Variants in PPM1L observed in about 807,000 individuals in gnomAD.
PPM1L encodes the protein protein phosphatase, Mg2+/Mn2+ dependent 1L, also known as protein phosphatase 1L.
In PPM1L, 13 loss-of-function variants were observed where a neutral mutation model predicts 31.4. That is an observed-to-expected ratio of 0.41 (90% CI 0.27 to 0.66). The LOEUF is 0.66. Ranked by LOEUF, PPM1L falls within the 30% of genes least tolerant of loss-of-function variation. The pLI is 0.29. For missense variants in PPM1L, 326 were observed against 453.7 expected, an observed-to-expected ratio of 0.72 and a Z score of 2.56; for synonymous variants, 184 against 175.4, an observed-to-expected ratio of 1.05 and a Z score of -0.39.
intron 2 of PPM1L, among the ~76,000 whole-genome samples, chr3:160,993,578 A>T (rs960450402): frequency 1.3e-5 from 2 of 152,042 alleles, no homozygotes; most frequent in African/African-American, 4.8e-5. Flanking sequence ...GCATTGGGTG[A>T]ATTGGGGAGC....
chr3:160,826,457 A>G (rs1408675822), intron 1 of PPM1L, among the ~76,000 whole-genome samples: 1 of 152,216 alleles, frequency 6.6e-6, no homozygotes, highest in African/African-American at 2.4e-5. Flanking sequence ...AGTAAATGAA[A>G]TAAGATGTTT....
chr3:160,801,483 A>T (rs564593424), intron 1 of PPM1L, among the ~76,000 whole-genome samples: 3 of 152,368 alleles, frequency 2.0e-5, no homozygotes, highest in Admixed American at 6.5e-5. Context: ...GACGAAGAAC[A>T]TTTAGAGCTG....
chr3:160,949,655 A>G (rs995856835), intron 1 of PPM1L, among the ~76,000 whole-genome samples: 12 of 152,162 alleles, frequency 7.9e-5, no homozygotes, highest in Non-Finnish European at 1.3e-4. Context: ...CATCGTGCCT[A>G]CATTGGACTA....
rs115543651 is a variant in PPM1L, at chr3:160,781,769, G to A, written c.399+25062G>A. ...GGCAGCTTCTCAGAGGAAGCCTAAC[G>A]ATATGGGGGTTGAGCTTAGGCCCTT... On this transcript the variant is annotated intron_variant, in intron 1 of 3. Coordinates refer to ENST00000498165, the MANE Select transcript of PPM1L (RefSeq NM_139245.4). Among the ~76,000 whole-genome samples the A allele has an allele frequency of 7.7e-3, 1,178 of 152,304 alleles. 4 individuals carry two copies. Among genetic ancestry groups the A allele is most frequent in the Middle Eastern group, 0.027 (8 of 294 alleles).
At chr3:160,925,633 A>T (rs1714560617) in intron 1 of PPM1L, among the ~76,000 whole-genome samples, 1 of 152,190 alleles carries the variant, frequency 6.6e-6, no homozygotes, top group Non-Finnish European at 1.5e-5. Flanking sequence ...ACAAGGATGA[A>T]AATAACTCTA....
intron 1 of PPM1L, among the ~76,000 whole-genome samples, chr3:160,930,049 A>G (rs1291066525): frequency 1.3e-5 from 2 of 152,194 alleles, no homozygotes; most frequent in South Asian, 2.1e-4. Flanking sequence ...GAAGGGGGAC[A>G]CTGTGCTCCC....
intron 1 of PPM1L, among the ~76,000 whole-genome samples, chr3:160,931,838 A>T (rs1414316353): frequency 6.6e-6 from 1 of 152,236 alleles, no homozygotes; most frequent in Non-Finnish European, 1.5e-5. Context: ...AAGTAGAGCT[A>T]AGAATTTGTT....
chr3:160,963,070 T>TC (rs1716017676), intron 2 of PPM1L, among the ~76,000 whole-genome samples: 1 of 151,938 alleles, frequency 6.6e-6, no homozygotes, highest in African/African-American at 2.4e-5. Context: ...TCATCTCTTC[T>TC]CTCATCCTTA....
intron 1 of PPM1L, among the ~76,000 whole-genome samples, chr3:160,855,455 A>G (rs891169293): frequency 3.3e-5 from 5 of 152,214 alleles, no homozygotes; most frequent in Non-Finnish European, 7.3e-5. Context: ...GAATGGGAGA[A>G]AATATTTGCA....
At chr3:160,897,699 T>C (rs772660801) in intron 1 of PPM1L, among the ~76,000 whole-genome samples, 3 of 152,244 alleles carry the variant, frequency 2.0e-5, no homozygotes, top group Non-Finnish European at 2.9e-5. Context: ...TTTATATTCA[T>C]CAAAATTCAT....
chr3:160,892,442 A>G (rs1351870767), intron 1 of PPM1L, among the ~76,000 whole-genome samples: 2 of 152,154 alleles, frequency 1.3e-5, no homozygotes, highest in South Asian at 2.1e-4. Flanking sequence ...CACATCTCCA[A>G]CCAGGCCCTA....
rs191738374 is a variant in PPM1L, at chr3:160,942,948, G to A, written c.400-18788G>A. Among the ~76,000 whole-genome samples the A allele has an allele frequency of 1.8e-3, 281 of 152,022 alleles. 1 individual carries two copies. Among genetic ancestry groups the A allele is most frequent in the African/African-American group, 6.2e-3 (256 of 41,468 alleles). On this transcript the variant is annotated intron_variant, in intron 1 of 3. Transcript: ENST00000498165. ...ACTGCTTACACTCTACCTATCTGAAGGATAGACTTTTTTTTTTTAAGCTAC... is the reference window on the plus strand; with the variant it reads ...ACTGCTTACACTCTACCTATCTGAAAGATAGACTTTTTTTTTTTAAGCTAC...
chr3:161,071,300 C>T lies in PPM1L; in HGVS notation c.*2143C>T, dbSNP rs1274806243. On this transcript the variant is annotated 3_prime_UTR_variant, in exon 4 of 4. Transcript: ENST00000498165. ...AACTTTCTTTATTTTTAACGTAGCA[C>T]AAAAATGTATAATAGCAAGGAAAAG... is the stretch of plus-strand genomic sequence containing the variant. 6.6e-6 allele frequency: 1 copy of T among 152,090 alleles called. No homozygotes were observed. The highest frequency in any genetic ancestry group is 1.5e-5 in the Non-Finnish European group (1 of 68,022). The allele number at this position is 152,090 out of a possible 1,614,324, so 9.4% of individuals were successfully genotyped here.
At chr3:160,820,074 A>G (rs1056833793) in intron 1 of PPM1L, among the ~76,000 whole-genome samples, 9 of 151,982 alleles carry the variant, frequency 5.9e-5, no homozygotes, top group African/African-American at 1.7e-4. Context: ...CGGAGGTGGG[A>G]AGAGACCAAA....
chr3:160,769,686 A>G lies in PPM1L; in HGVS notation c.399+12979A>G, dbSNP rs557949446. 6.6e-5 allele frequency among the ~76,000 whole-genome samples: 10 copies of G among 152,218 alleles called. No homozygotes were observed. The South Asian group carries it at 1.7e-3, about 25-fold the overall frequency. ...CTGCTGATGAATGTGGAAATATTAT[A>G]GTAGTTCTTCTGTTGGCTATCCATT... On this transcript the variant is annotated intron_variant, in intron 1 of 3. Transcript: ENST00000498165.
At chr3:161,002,781 T>G (rs1717543911) in intron 2 of PPM1L, among the ~76,000 whole-genome samples, 1 of 142,492 alleles carries the variant, frequency 7.0e-6, no homozygotes, top group Non-Finnish European at 1.5e-5. Flanking sequence ...TCTCCCATTT[T>G]GTAGGTTGCC....
intron 2 of PPM1L, among the ~76,000 whole-genome samples, chr3:161,017,581 A>G (rs930218795): frequency 3.9e-5 from 6 of 152,172 alleles, no homozygotes; most frequent in African/African-American, 1.4e-4. Context: ...TGCCTATTGT[A>G]TTACAATTTT....
chr3:160,894,595 G>T (rs1477619138), intron 1 of PPM1L, among the ~76,000 whole-genome samples: 1 of 152,146 alleles, frequency 6.6e-6, no homozygotes, highest in Non-Finnish European at 1.5e-5. Context: ...AAGATGCCTT[G>T]CCCAAGATCA....
At chr3:160,928,944 C>T (rs984989905) in intron 1 of PPM1L, among the ~76,000 whole-genome samples, 1 of 152,064 alleles carries the variant, frequency 6.6e-6, no homozygotes, top group Non-Finnish European at 1.5e-5. Flanking sequence ...ACAAGCAGAT[C>T]TAAGGCAGAG....
Sources: allele counts gnomAD v4.1 joint callset (sites outside exome capture counted in the v4.1 genomes callset), GRCh38; gene constraint gnomAD v4.1.1; transcripts MANE v1.5; gene names NCBI Gene and HGNC (gene_info 2026-07-23, HGNC 2026-07-21).